The following USP7 variants were observed in gnomAD, a reference collection of about 807,000 sequenced individuals.
USP7 encodes ubiquitin specific peptidase 7, also known as ubiquitin C-terminal hydrolase 7.
USP7 carries 9 observed loss-of-function variants against 162.9 expected under a neutral mutation model. The ratio of observed to expected loss-of-function variants is 0.06; its 90% confidence interval spans 0.03 to 0.10. The LOEUF is 0.10. Ranked by LOEUF, USP7 falls within the 10% of genes least tolerant of loss-of-function variation. The pLI is 1.00. For missense variants in USP7, 715 were observed against 1,373.7 expected (o/e 0.52, Z 7.58); for synonymous variants, 562 against 475.9 (o/e 1.18, Z -2.35).
intron 2 of USP7, among the ~76,000 whole-genome samples, chr16:8,926,354 C>T (rs562099048): frequency 1.3e-5 from 2 of 152,158 alleles, no homozygotes; most frequent in African/African-American, 4.8e-5. Context: ...TGGTGCACGC[C>T]TGTAATCCCA....
intron 1 of USP7, chr16:8,936,779 C>T: frequency 7.6e-7 from 1 of 1,307,434 alleles, no homozygotes; most frequent in Non-Finnish European, 9.8e-7. Context: ...ATTCAAGCAA[C>T]CTCAATTTAG....
chr16:8,937,464 C>A (rs1898812379), intron 1 of USP7, among the ~76,000 whole-genome samples: 3 of 152,180 alleles, frequency 2.0e-5, no homozygotes, highest in African/African-American at 7.2e-5. Flanking sequence ...ATCACTTGAA[C>A]CCAGGAGGCG....
At chr16:8,923,679 CAAT>C (rs1325198616) in intron 2 of USP7, among the ~76,000 whole-genome samples, 2 of 152,202 alleles carry the variant, frequency 1.3e-5, no homozygotes, top group Non-Finnish European at 2.9e-5. Flanking sequence ...CACATGAGAA[CAAT>C]GTCTACTTTA....
intron 11 of USP7, among the ~76,000 whole-genome samples, 169 bp downstream of exon 11, chr16:8,910,576 A>C (rs1372390129): frequency 1.3e-5 from 2 of 152,042 alleles, no homozygotes; most frequent in African/African-American, 2.4e-5. Flanking sequence ...CCATCTCCCA[A>C]CATCCCCCTC....
Position 8,920,468 on chromosome 16 carries a change from T to A in USP7, c.523-21A>T, listed in dbSNP as rs534048009. ...ACTTCCTATAAAACATAAATAAGAA[T>A]ATCCAGCTTGAATAAGAACACACAT... On this transcript the variant is annotated intron_variant, in intron 4 of 30. Transcript: ENST00000344836. The A allele has an allele frequency of 5.8e-5, 92 of 1,593,244 alleles. 1 individual carries two copies. In the South Asian group the frequency reaches 9.4e-4, roughly 16 times the overall value.
At chr16:8,941,437 G>A (rs1899041222) in intron 1 of USP7, among the ~76,000 whole-genome samples, 1 of 152,148 alleles carries the variant, frequency 6.6e-6, no homozygotes, top group South Asian at 2.1e-4. Flanking sequence ...TTCCAGACAG[G>A]AAGGACCTGA....
At chr16:8,897,989 G>GT (rs1284062470) in intron 25 of USP7, among the ~76,000 whole-genome samples, 1 of 151,914 alleles carries the variant, frequency 6.6e-6, no homozygotes, top group Non-Finnish European at 1.5e-5. Context: ...AGCTTGGGGA[G>GT]TAAGCGCAGA....
chr16:8,894,528 C>CA, intron 30 of USP7, 22 bp downstream of exon 30: 1 of 1,493,678 alleles, frequency 6.7e-7, no homozygotes, highest in Non-Finnish European at 9.0e-7. Flanking sequence ...ACACCAGCCC[C>CA]CGGGGGGGGG....
intron 2 of USP7, among the ~76,000 whole-genome samples, chr16:8,928,388 A>C (rs922242629): frequency 2.6e-5 from 4 of 152,238 alleles, no homozygotes; most frequent in Non-Finnish European, 4.4e-5. Context: ...TCATTAACAA[A>C]AACTTATTTT....
intron 21 of USP7, chr16:8,900,118 C>G (rs1415787652): frequency 1.9e-5 from 7 of 377,502 alleles, no homozygotes; most frequent in African/African-American, 1.5e-4. Flanking sequence ...GTCAGGAAAT[C>G]TGGGCTTTCG....
intron 3 of USP7, 146 bp from the exon 4 acceptor site, chr16:8,921,441 G>A: frequency 2.2e-6 from 2 of 894,826 alleles, no homozygotes; most frequent in South Asian, 3.9e-5. Flanking sequence ...GTAGGATGGA[G>A]GCATTTTTAC....
intron 2 of USP7, among the ~76,000 whole-genome samples, chr16:8,924,406 C>T (rs1462188712): frequency 1.3e-5 from 2 of 152,268 alleles, no homozygotes; most frequent in African/African-American, 4.8e-5. Context: ...TTATAGTCTG[C>T]ACACAGCTCA....
At chr16:8,903,682 A>G (rs983011829) in intron 15 of USP7, among the ~76,000 whole-genome samples, 1 of 152,106 alleles carries the variant, frequency 6.6e-6, no homozygotes, top group African/African-American at 2.4e-5. Context: ...AGCCTGACCA[A>G]CACGGAGAAA....
chr16:8,938,671 A>G (rs1021484746), intron 1 of USP7, among the ~76,000 whole-genome samples: 6 of 151,182 alleles, frequency 4.0e-5, no homozygotes, highest in African/African-American at 1.5e-4. Flanking sequence ...AGATCGCACC[A>G]CTGCACTCCA....
chr16:8,952,953 C>T (rs545585949), intron 1 of USP7, among the ~76,000 whole-genome samples: 171 of 152,210 alleles, frequency 1.1e-3, no homozygotes, highest in African/African-American at 3.8e-3. Context: ...TCTCCTGCCT[C>T]GGCCTCCCAA....
At chr16:8,955,964 A>G (rs151139313) in intron 1 of USP7, among the ~76,000 whole-genome samples, 13 of 152,274 alleles carry the variant, frequency 8.5e-5, no homozygotes, top group African/African-American at 3.1e-4. Flanking sequence ...GCCAGATGTC[A>G]GATTACCACC....
At chr16:8,896,178 C>T (rs2061678961) in intron 26 of USP7, among the ~76,000 whole-genome samples, 1 of 136,824 alleles carries the variant, frequency 7.3e-6, no homozygotes, top group Non-Finnish European at 1.5e-5. Flanking sequence ...TCTGAAATAT[C>T]AGAAACAGAG....
intron 1 of USP7, among the ~76,000 whole-genome samples, chr16:8,961,050 A>G (rs1484456385): frequency 6.6e-6 from 1 of 152,234 alleles, no homozygotes; most frequent in African/African-American, 2.4e-5. Flanking sequence ...ATTCTGCTAA[A>G]TTTACAGATT....
At chr16:8,934,393 G>A (rs1224655154) in intron 1 of USP7, among the ~76,000 whole-genome samples, 1 of 152,192 alleles carries the variant, frequency 6.6e-6, no homozygotes, top group African/African-American at 2.4e-5. Flanking sequence ...GAGAGAGACT[G>A]CATTGTCTCC....
Sources: allele counts gnomAD v4.1 joint callset (sites outside exome capture counted in the v4.1 genomes callset), GRCh38; gene constraint gnomAD v4.1.1; transcripts MANE v1.5; gene names NCBI Gene and HGNC (gene_info 2026-07-23, HGNC 2026-07-21).